AGBL4: variants seen among roughly 807,000 people sequenced by gnomAD.
The protein encoded by AGBL4 is AGBL carboxypeptidase 4.
Under a neutral mutation model 66.4 loss-of-function variants are expected in AGBL4, and 58 were observed. The ratio of observed to expected loss-of-function variants is 0.87; its 90% CI spans 0.71 to 1.09. The LOEUF (loss-of-function observed/expected upper bound fraction) is 1.09. Ranked by LOEUF, AGBL4 falls within the 50% of genes least tolerant of loss-of-function variation. The probability of loss-of-function intolerance (pLI) is 0.00; values close to 1 mark genes in which losing one functional copy is unlikely to be tolerated. For missense variants in AGBL4, 579 were observed against 631.0 expected (o/e 0.92, Z 0.88); for synonymous variants, 234 against 222.9 (o/e 1.05, Z -0.44).
intron 3 of AGBL4, among the ~76,000 whole-genome samples, chr1:49,618,083 T>G (rs986749307): frequency 9.2e-5 from 14 of 152,310 alleles, no homozygotes; most frequent in Middle Eastern, 3.4e-3. Flanking sequence ...CAACTCCCAC[T>G]TATGAGTGAG....
chr1:49,394,299 G>A (rs897775765), intron 3 of AGBL4, among the ~76,000 whole-genome samples: 23 of 151,878 alleles, frequency 1.5e-4, no homozygotes, highest in Non-Finnish European at 3.4e-4. Flanking sequence ...ATTAAGATTT[G>A]AAAAATGTTG....
intron 4 of AGBL4, among the ~76,000 whole-genome samples, chr1:49,096,101 C>T (rs1645095438): frequency 6.6e-6 from 1 of 151,930 alleles, no homozygotes; most frequent in Non-Finnish European, 1.5e-5. Context: ...CTCATCATCA[C>T]TGGCCATCAG....
At chr1:49,177,351 A>G (rs1400383179) in intron 4 of AGBL4, among the ~76,000 whole-genome samples, 1 of 152,180 alleles carries the variant, frequency 6.6e-6, no homozygotes, top group Non-Finnish European at 1.5e-5. Flanking sequence ...TTACCATCTA[A>G]TCATTCCTAT....
chr1:49,624,002 AGTGTGT>A (rs34356093), intron 3 of AGBL4, among the ~76,000 whole-genome samples: 3,263 of 149,434 alleles, frequency 0.022, 102 homozygotes, highest in African/African-American at 0.075. Context: ...GATGAGAGAG[AGTGTGT>A]GTGTGTGTGT....
intron 4 of AGBL4, among the ~76,000 whole-genome samples, chr1:49,237,012 T>C (rs1382309682): frequency 6.6e-6 from 1 of 151,746 alleles, no homozygotes; most frequent in South Asian, 2.1e-4. Context: ...TCCCAGCACT[T>C]TGGGAGGCCA....
chr1:48,718,822 C>A (rs981941749), intron 6 of AGBL4, among the ~76,000 whole-genome samples: 8 of 152,146 alleles, frequency 5.3e-5, no homozygotes, highest in Non-Finnish European at 1.0e-4. Context: ...CCCACAGGCT[C>A]CCACAGGTGG....
At chr1:48,728,361 C>T (rs1647520779) in intron 6 of AGBL4, among the ~76,000 whole-genome samples, 2 of 151,552 alleles carry the variant, frequency 1.3e-5, no homozygotes, top group South Asian at 4.2e-4. Flanking sequence ...AACCATTCTC[C>T]TGAACTTTTG....
chr1:48,986,040 A>G (rs1202840543), intron 5 of AGBL4, among the ~76,000 whole-genome samples: 1 of 152,086 alleles, frequency 6.6e-6, no homozygotes, highest in Non-Finnish European at 1.5e-5. Flanking sequence ...AAAATGGCAA[A>G]TTAGATATTG....
intron 6 of AGBL4, among the ~76,000 whole-genome samples, chr1:48,832,339 C>T (rs766171685): frequency 3.3e-5 from 5 of 152,178 alleles, no homozygotes; most frequent in Non-Finnish European, 7.3e-5. Flanking sequence ...AGTTGATGGA[C>T]CTGCCGTGTG....
intron 6 of AGBL4, among the ~76,000 whole-genome samples, chr1:48,707,586 C>G (rs910568497): frequency 7.9e-5 from 12 of 152,182 alleles, no homozygotes; most frequent in Non-Finnish European, 1.6e-4. Context: ...TATAAAACCA[C>G]CAGTGACAAA....
chr1:48,714,466 T>C (rs1647016715), intron 6 of AGBL4, among the ~76,000 whole-genome samples: 1 of 152,234 alleles, frequency 6.6e-6, no homozygotes, highest in African/African-American at 2.4e-5. Flanking sequence ...AACCCAAATA[T>C]AGAATTCTGC....
chr1:49,931,992 G>A (rs1035135340), intron 1 of AGBL4, among the ~76,000 whole-genome samples: 2 of 152,082 alleles, frequency 1.3e-5, no homozygotes, highest in African/African-American at 2.4e-5. Context: ...CAAGAAAAAC[G>A]TTTAGAGGAG....
At chr1:48,539,837 C>G in intron 11 of AGBL4, 99 bp from the exon 12 acceptor site, 1 of 767,952 alleles carries the variant, frequency 1.3e-6, no homozygotes, top group South Asian at 3.7e-5. Flanking sequence ...AAAACAGTTA[C>G]ACACTCATTG....
chr1:48,850,995 T>C (rs1647020154), intron 6 of AGBL4, among the ~76,000 whole-genome samples: 1 of 152,244 alleles, frequency 6.6e-6, no homozygotes, highest in Non-Finnish European at 1.5e-5. Flanking sequence ...GCCTACTTCA[T>C]ATGGTTGTTT....
intron 4 of AGBL4, among the ~76,000 whole-genome samples, chr1:49,203,832 T>C (rs1557726109): frequency 6.6e-6 from 1 of 152,138 alleles, no homozygotes; most frequent in African/African-American, 2.4e-5. Flanking sequence ...TTTCAAGTCA[T>C]GCAAGATAGA....
chr1:49,896,171 A>T (rs1011720581), intron 1 of AGBL4, among the ~76,000 whole-genome samples: 6 of 152,254 alleles, frequency 3.9e-5, no homozygotes, highest in Admixed American at 2.6e-4. Flanking sequence ...GGGTCAATTC[A>T]GCAAGAGAAC....
At chr1:49,316,448 G>T (rs1017557911) in intron 3 of AGBL4, among the ~76,000 whole-genome samples, 1 of 151,588 alleles carries the variant, frequency 6.6e-6, no homozygotes, top group African/African-American at 2.4e-5. Context: ...AGAAAAAAAA[G>T]CTCTCACAAC....
intron 3 of AGBL4, among the ~76,000 whole-genome samples, chr1:49,258,443 A>C (rs914935877): frequency 3.3e-5 from 5 of 152,166 alleles, no homozygotes; most frequent in African/African-American, 1.2e-4. Flanking sequence ...AGAATAACCA[A>C]TATAGAGAAG....
At chr1:49,180,545 C>T (rs1646912522) in intron 4 of AGBL4, among the ~76,000 whole-genome samples, 1 of 152,100 alleles carries the variant, frequency 6.6e-6, no homozygotes, top group Admixed American at 6.5e-5. Context: ...AACTTCAAGG[C>T]CCATGCTATA....
Sources: gnomAD v4.1 joint callset for allele counts (sites outside exome capture counted in the v4.1 genomes callset) on GRCh38, gnomAD v4.1.1 for gene constraint, MANE v1.5 for transcripts, NCBI Gene and HGNC (gene_info 2026-07-23, HGNC 2026-07-21) for gene names.